The following PCDHGA2 variants were observed in gnomAD, a reference collection of about 807,000 sequenced individuals.
PCDHGA2 encodes the protein protocadherin gamma subfamily A, 2.
In PCDHGA2, 40 loss-of-function variants were observed where a neutral mutation model predicts 59.2. The observed-to-expected ratio is 0.68, with a 90% CI of 0.52 to 0.88. The LOEUF (loss-of-function observed/expected upper bound fraction) is 0.88. Ranked by LOEUF, PCDHGA2 falls within the 40% of genes least tolerant of loss-of-function variation. PCDHGA2 has a pLI of 0.00. For synonymous variants in PCDHGA2, 560 were observed against 526.0 expected (o/e 1.06, Z -0.89); for missense variants, 1,226 against 1,204.0 (o/e 1.02, Z -0.27).
rs911594122 is a variant in PCDHGA2, at chr5:141,383,374, G to C, written c.2424+41979G>C. On this transcript the variant is annotated intron_variant, in intron 1 of 3. Transcript: ENST00000394576. ...TCGGTTTCCGTTAAGCGAGGCTGGGGATCCAGATGTGGGCACGAACTCCCT... is the reference window on the plus strand; with the variant it reads ...TCGGTTTCCGTTAAGCGAGGCTGGGCATCCAGATGTGGGCACGAACTCCCT... 1.2e-6 allele frequency: 2 copies of C among 1,613,910 alleles called. No homozygotes were observed. The highest frequency in any genetic ancestry group is 2.7e-5 in the African/African-American group (2 of 74,936).
intron 1 of PCDHGA2, chr5:141,423,165 C>T (rs1307049367): frequency 6.8e-6 from 11 of 1,613,434 alleles, no homozygotes; most frequent in Admixed American, 3.3e-5. Context: ...TCGTGGTGGC[C>T]GTCCAGGACC....
At chr5:141,346,965 C>T (rs961083532) in intron 1 of PCDHGA2, among the ~76,000 whole-genome samples, 2 of 152,174 alleles carry the variant, frequency 1.3e-5, no homozygotes, top group East Asian at 1.9e-4. Context: ...ATGTTTGACT[C>T]CTTCCAAGAC....
chr5:141,410,628 T>G (rs758174899), intron 1 of PCDHGA2: 1 of 1,602,040 alleles, frequency 6.2e-7, no homozygotes, highest in South Asian at 1.1e-5. Context: ...TCGGTGAGTT[T>G]CTCTTTTTTG....
In PCDHGA2 at chr5:141,477,850, G is replaced by C. The variant is rs2099420608; in HGVS notation, c.2425-16957G>C. On this transcript the variant is annotated intron_variant, in intron 1 of 3. Coordinates refer to ENST00000394576, the MANE Select transcript of PCDHGA2 (RefSeq NM_018915.4). The surrounding 1 kb of genome is among the most constrained non-coding windows in gnomAD (Gnocchi z 4.9). Reference sequence around the variant, plus strand: ...CTCGGCCAGGTGGGAGCTCGGTGGAGATGCTGCCTCGAGGTACCTCAGCTG... The same window carrying C: ...CTCGGCCAGGTGGGAGCTCGGTGGACATGCTGCCTCGAGGTACCTCAGCTG... 6.2e-6 allele frequency: 10 copies of C among 1,613,328 alleles called. No individual in the cohort carries two copies. Among genetic ancestry groups the C allele is most frequent in the Non-Finnish European group, 7.6e-6 (9 of 1,179,812 alleles).
intron 1 of PCDHGA2, among the ~76,000 whole-genome samples, chr5:141,455,161 T>G (rs6861291): frequency 0.084 from 8,821 of 104,682 alleles, 480 homozygotes; most frequent in African/African-American, 0.22. Context: ...AGTTTGTTGG[T>G]TTTTTTTTTA....
chr5:141,423,744 A>T, intron 1 of PCDHGA2: 4 of 429,458 alleles, frequency 9.3e-6, no homozygotes, highest in Non-Finnish European at 8.7e-6. Context: ...TGTTATGAAA[A>T]CTGTTTGGGG....
At chr5:141,403,590 C>A (rs770895828) in intron 1 of PCDHGA2, 7 of 1,613,866 alleles carry the variant, frequency 4.3e-6, no homozygotes, top group Non-Finnish European at 5.1e-6. Context: ...CTGGTCCTCA[C>A]GGCCTCGGAT....
intron 1 of PCDHGA2, chr5:141,399,778 C>A (rs187080333): frequency 6.2e-7 from 1 of 1,613,250 alleles, no homozygotes; most frequent in African/African-American, 1.3e-5. Context: ...GGTGGGCGAC[C>A]GAAACGACAA....
chr5:141,422,331 T>C (rs768333038), intron 1 of PCDHGA2: 1 of 1,548,508 alleles, frequency 6.5e-7, no homozygotes, highest in South Asian at 1.3e-5. Context: ...CAGTGATTGC[T>C]CTTCTAAATG....
chr5:141,393,899 C>T, intron 1 of PCDHGA2: 1 of 1,613,932 alleles, frequency 6.2e-7, no homozygotes, highest in Non-Finnish European at 8.5e-7. Context: ...ATTCTCTTCC[C>T]GGGACAGTAA....
intron 1 of PCDHGA2, among the ~76,000 whole-genome samples, chr5:141,472,310 G>A (rs2099276586): frequency 6.6e-6 from 1 of 152,040 alleles, no homozygotes; most frequent in Non-Finnish European, 1.5e-5. Flanking sequence ...GGGAAGCCGA[G>A]GCAGGCAGAT....
intron 1 of PCDHGA2, chr5:141,376,030 C>G (rs766254447): frequency 1.2e-6 from 2 of 1,613,082 alleles, no homozygotes; most frequent in Non-Finnish European, 1.7e-6. Flanking sequence ...TCCAGGACCA[C>G]GGCCAGCCCC....
chr5:141,418,840 C>G, intron 1 of PCDHGA2: 1 of 1,614,006 alleles, frequency 6.2e-7, no homozygotes. Flanking sequence ...GAGGATCTCT[C>G]TCAACACGGT....
chr5:141,433,802 A>G (rs2097651656), intron 1 of PCDHGA2, among the ~76,000 whole-genome samples: 1 of 149,280 alleles, frequency 6.7e-6, no homozygotes, highest in Non-Finnish European at 1.5e-5. Flanking sequence ...GTGCCATTGC[A>G]CTCCAGCCTG....
intron 1 of PCDHGA2, chr5:141,475,937 C>G (rs970582600): frequency 2.8e-5 from 19 of 676,764 alleles, no homozygotes; most frequent in African/African-American, 1.8e-4. Context: ...GGCCCCTGCC[C>G]GTCCCCTTTC....
chr5:141,476,238 G>C lies in PCDHGA2; in HGVS notation c.2425-18569G>C, dbSNP rs764976894. ...ATTCACTATGAGATCCCGGAGGAAA[G>C]AGAGAAGGGTTTCGCTGTGGGCAAC... On this transcript the variant is annotated intron_variant, in intron 1 of 3. Coordinates refer to ENST00000394576, the MANE Select transcript of PCDHGA2 (RefSeq NM_018915.4). The surrounding 1 kb of genome is among the most constrained non-coding windows in gnomAD (Gnocchi z 7.6). 1 of 1,614,098 alleles carries C rather than the reference G, an allele frequency of 6.2e-7. No individual in the cohort carries two copies.
intron 1 of PCDHGA2, chr5:141,374,905 C>T (rs756655009): frequency 1.2e-6 from 2 of 1,613,616 alleles, no homozygotes; most frequent in Non-Finnish European, 8.5e-7. Flanking sequence ...AAGGAGTCCA[C>T]GGGGAAGTAA....
At chr5:141,357,053 C>T (rs1561513386) in intron 1 of PCDHGA2, 1 of 1,614,020 alleles carries the variant, frequency 6.2e-7, no homozygotes, top group Non-Finnish European at 8.5e-7. Context: ...GGACTATTTG[C>T]AGTGGGGCTG....
At position 141,490,909 on chromosome 5, in the gene PCDHGA2, G is replaced by A. The variant is rs1170664693; in HGVS notation, c.2425-3898G>A. On this transcript the variant is annotated intron_variant, in intron 1 of 3. Coordinates refer to ENST00000394576, the MANE Select transcript of PCDHGA2 (RefSeq NM_018915.4). The surrounding 1 kb of genome is among the most constrained non-coding windows in gnomAD (Gnocchi z 5.4). ...ATCTCTGCATGTGTTTGTCCTAGAC[G>A]AGAATGATAATGCCCCAGCTGTGCT... The A allele has an allele frequency of 1.1e-5, 17 of 1,613,626 alleles. No individual in the cohort carries two copies. Among genetic ancestry groups the A allele is most frequent in the East Asian group, 4.5e-5 (2 of 44,882 alleles).
Sources: allele counts gnomAD v4.1 joint callset (sites outside exome capture counted in the v4.1 genomes callset), GRCh38; gene constraint gnomAD v4.1.1; non-coding constraint Gnocchi (gnomAD v3.1); transcripts MANE v1.5; gene names NCBI Gene and HGNC (gene_info 2026-07-23, HGNC 2026-07-21).